MCC: variants seen among roughly 807,000 people sequenced by gnomAD.
MCC encodes the protein MCC regulator of Wnt signaling pathway.
In MCC, 90 loss-of-function variants were observed where a neutral mutation model predicts 116.2. The observed-to-expected ratio is 0.77, with a 90% CI of 0.65 to 0.92. MCC has a LOEUF of 0.92. Among genes scored for constraint, MCC ranks in the 40% least tolerant of loss-of-function variants. The probability of loss-of-function intolerance (pLI) is 0.00; values close to 1 mark genes in which losing one functional copy is unlikely to be tolerated. For missense variants in MCC, 1,516 were observed against 1,312.2 expected (o/e 1.16, Z -2.40); for synonymous variants, 578 against 510.5 (o/e 1.13, Z -1.78).
At chr5:113,256,725 G>A (rs1028694316) in intron 3 of MCC, among the ~76,000 whole-genome samples, 10 of 152,144 alleles carry the variant, frequency 6.6e-5, no homozygotes, top group African/African-American at 1.4e-4. Context: ...CTATCTGGCC[G>A]CTGCAGACAC....
intron 18 of MCC, among the ~76,000 whole-genome samples, chr5:113,028,219 G>T (rs149486679): frequency 1.3e-5 from 2 of 152,326 alleles, no homozygotes; most frequent in African/African-American, 4.8e-5. Context: ...GCTGGATGAT[G>T]CCAGGTGTTC....
chr5:113,321,729 T>C (rs1055044746), intron 3 of MCC, among the ~76,000 whole-genome samples: 1 of 152,234 alleles, frequency 6.6e-6, no homozygotes, highest in Non-Finnish European at 1.5e-5. Context: ...CAAAGAGCAA[T>C]GTTTCTCAAA....
chr5:113,052,353 G>A (rs1022380256), intron 15 of MCC, among the ~76,000 whole-genome samples: 1 of 151,838 alleles, frequency 6.6e-6, no homozygotes, highest in African/African-American at 2.4e-5. Flanking sequence ...CCCAAGTCTA[G>A]CTCATAAGCA....
At chr5:113,347,580 A>T (rs1324738212) in intron 2 of MCC, among the ~76,000 whole-genome samples, 2 of 152,166 alleles carry the variant, frequency 1.3e-5, no homozygotes, top group African/African-American at 4.8e-5. Flanking sequence ...CTGAATACAC[A>T]AAAAATAAAA....
At chr5:113,406,813 C>T (rs1167500688) in intron 1 of MCC, among the ~76,000 whole-genome samples, 1 of 152,128 alleles carries the variant, frequency 6.6e-6, no homozygotes, top group East Asian at 1.9e-4. Context: ...AACCAGAAGT[C>T]CTGCATGCAG....
chr5:113,143,150 GC>G (rs1411602953), intron 5 of MCC, 67 bp downstream of exon 5: 80 of 1,489,020 alleles, frequency 5.4e-5, no homozygotes, highest in Non-Finnish European at 6.9e-5. Context: ...AATAGTTGGG[GC>G]TACTTCAGCT....
chr5:113,220,230 T>C (rs901216327), intron 3 of MCC, among the ~76,000 whole-genome samples: 2 of 149,692 alleles, frequency 1.3e-5, no homozygotes, highest in Non-Finnish European at 3.0e-5. Context: ...GCTAATTTTT[T>C]TGTATTTTTT....
chr5:113,129,216 A>C, intron 5 of MCC, among the ~76,000 whole-genome samples: 1 of 152,152 alleles, frequency 6.6e-6, no homozygotes, highest in Non-Finnish European at 1.5e-5. Flanking sequence ...ATAGGAGCCC[A>C]GGCTGAGGAC....
Position 113,108,351 on chromosome 5 carries a change from A to G in MCC, c.1028-3996T>C, listed in dbSNP as rs1167897146. Among the ~76,000 whole-genome samples the G allele has an allele frequency of 1.0e-4, 15 of 148,818 alleles. 1 individual carries two copies. The highest frequency in any genetic ancestry group is 2.7e-4 in the Admixed American group (4 of 14,862). ...TATCTTAAAAAAAAAAAAAAAAAAAAAAAAAAAAAAGAAAGGAAAGTGGCC... is the reference window on the plus strand; with the variant it reads ...TATCTTAAAAAAAAAAAAAAAAAAAGAAAAAAAAAAGAAAGGAAAGTGGCC... On this transcript the variant is annotated intron_variant, in intron 6 of 18. Transcript: ENST00000408903.
chr5:113,359,814 G>A (rs1768502679), intron 2 of MCC, among the ~76,000 whole-genome samples: 1 of 10,502 alleles, frequency 9.5e-5, no homozygotes, highest in Non-Finnish European at 1.6e-4. Flanking sequence ...TAAATAGAAT[G>A]TTTGGTCCTT....
At chr5:113,194,477 C>A (rs1237079437) in intron 3 of MCC, among the ~76,000 whole-genome samples, 2 of 152,032 alleles carry the variant, frequency 1.3e-5, no homozygotes, top group African/African-American at 2.4e-5. Context: ...TCAGCCTGGG[C>A]AACAAAGTAA....
Position 113,096,682 on chromosome 5 carries a change from G to C in MCC, c.1398+5057C>G, listed in dbSNP as rs148325741. Among the ~76,000 whole-genome samples, 227 of 152,276 alleles carry C rather than the reference G, an allele frequency of 1.5e-3. 1 individual carries two copies. Among genetic ancestry groups the C allele is most frequent in the African/African-American group, 5.3e-3 (221 of 41,562 alleles). On this transcript the variant is annotated intron_variant, in intron 8 of 18. Transcript: ENST00000408903. ...TGGGAGCCTTTGAGTGGGCTCTTAG[G>C]TGGTGGATGGCCAACAGTCTGAGTT...
chr5:113,422,784 A>G (rs778227675), intron 1 of MCC, among the ~76,000 whole-genome samples: 33 of 152,196 alleles, frequency 2.2e-4, no homozygotes, highest in African/African-American at 7.5e-4. Flanking sequence ...GAATTAGTGG[A>G]TCCTCTAAAA....
intron 3 of MCC, among the ~76,000 whole-genome samples, chr5:113,237,837 G>A (rs114916618): frequency 0.024 from 3,698 of 152,246 alleles, 85 homozygotes; most frequent in East Asian, 0.069. Flanking sequence ...TTTTGTCTAA[G>A]GCAAGAACAC....
chr5:113,312,268 CTCTG>C (rs1767154023), intron 3 of MCC, among the ~76,000 whole-genome samples: 1 of 151,602 alleles, frequency 6.6e-6, no homozygotes, highest in Non-Finnish European at 1.5e-5. Flanking sequence ...CAAAGCAGAA[CTCTG>C]TCTGAAAAAA....
At chr5:113,038,000 G>A (rs993908592) in intron 17 of MCC, among the ~76,000 whole-genome samples, 7 of 152,084 alleles carry the variant, frequency 4.6e-5, no homozygotes, top group Non-Finnish European at 8.8e-5. Flanking sequence ...GTATTCTGGC[G>A]GCAGAATCAA....
intron 8 of MCC, among the ~76,000 whole-genome samples, chr5:113,090,077 G>T (rs1755491511): frequency 6.6e-6 from 1 of 152,188 alleles, no homozygotes; most frequent in Admixed American, 6.5e-5. Flanking sequence ...GGAATGCTGG[G>T]CATGGATAAG....
rs1223018521 is a variant in MCC, at chr5:113,025,983, C to G, written c.*1319G>C. 1 of 152,006 alleles carries G rather than the reference C, an allele frequency of 6.6e-6. No homozygotes were observed. The highest frequency in any genetic ancestry group is 1.5e-5 in the Non-Finnish European group (1 of 68,024). 9.4% of individuals were successfully genotyped at this position (152,006 alleles called of 1,614,324 possible). A position where few individuals can be genotyped will look rare whatever the true frequency, so the allele number is the denominator to read the frequency against. On this transcript the variant is annotated 3_prime_UTR_variant, in exon 19 of 19. Transcript: ENST00000408903. Reference sequence around the variant, plus strand: ...GGAACTTTGGATGGATTCTCTGGTGCTACAGAAAAAAACAGTAAATGGTCC... The same window carrying G: ...GGAACTTTGGATGGATTCTCTGGTGGTACAGAAAAAAACAGTAAATGGTCC...
chr5:113,398,623 AACAATGGGT>A (rs780064035), intron 1 of MCC, among the ~76,000 whole-genome samples: 14 of 152,340 alleles, frequency 9.2e-5, no homozygotes, highest in Admixed American at 2.0e-4. Context: ...GTAGGAGCTA[AACAATGGGT>A]ACACATGCAC....
Sources: allele counts gnomAD v4.1 joint callset (sites outside exome capture counted in the v4.1 genomes callset), GRCh38; gene constraint gnomAD v4.1.1; transcripts MANE v1.5; gene names NCBI Gene and HGNC (gene_info 2026-07-23, HGNC 2026-07-21).